MN1: variants seen among roughly 807,000 people sequenced by gnomAD.
The protein encoded by MN1 is MN1 proto-oncogene, transcriptional regulator.
In MN1, 19 loss-of-function variants were observed where a neutral mutation model predicts 86.9. The ratio of observed to expected loss-of-function variants is 0.22; its 90% CI spans 0.15 to 0.32. The LOEUF (loss-of-function observed/expected upper bound fraction) is 0.32, where lower values mean the gene tolerates loss of function less well. Ranked by LOEUF, MN1 falls within the 10% of genes least tolerant of loss-of-function variation. The pLI is 1.00. For missense variants in MN1, 1,841 were observed against 1,862.0 expected (o/e 0.99, Z 0.21); for synonymous variants, 928 against 849.6 (o/e 1.09, Z -1.60).
In MN1 at chr22:27,796,983, G is replaced by C. The variant is rs756178223; in HGVS notation, c.3561C>G (p.Val1187=). ...CGCCATTCTGCGCCCCTGAGGCCCC[G>C]ACGGCGCACTCACCCTTCTTGCCAC... ...LKGGKKGECA[V]GASGAQNGDS... Residue 1187 remains valine, a synonymous_variant, in exon 1 of 2, where the codon GTC becomes GTG. Transcript: ENST00000302326. 1.9e-5 allele frequency: 30 copies of C among 1,612,250 alleles called. No homozygotes were observed. Among genetic ancestry groups the C allele is most frequent in the South Asian group, 1.3e-4 (12 of 90,984 alleles).
intron 1 of MN1, among the ~76,000 whole-genome samples, chr22:27,795,377 C>G (rs1338729638): frequency 6.6e-6 from 1 of 152,134 alleles, no homozygotes; most frequent in African/African-American, 2.4e-5. Flanking sequence ...CTCCTCTTGC[C>G]TCCCCCAGCC....
chr22:27,800,810 T>G lies in MN1; in HGVS notation c.-267A>C, dbSNP rs972858244. The G allele has an allele frequency of 1.4e-4, 59 of 410,518 alleles. No homozygotes were observed. Among genetic ancestry groups the G allele is most frequent in the East Asian group, 2.8e-4 (6 of 21,504 alleles). The allele number at this position is 410,518 out of a possible 1,614,324, so 25.4% of individuals were successfully genotyped here. On this transcript the variant is annotated 5_prime_UTR_variant, in exon 1 of 2. It removes an upstream start codon present in the reference 5' UTR. Coordinates refer to ENST00000302326, the MANE Select transcript of MN1 (RefSeq NM_002430.3). ...TCTAGGAGCCGTGTTGGGGGGCCCATGCCCCGGGCGGTTGTCACAGCCGCG... is the reference window on the plus strand; with the variant it reads ...TCTAGGAGCCGTGTTGGGGGGCCCAGGCCCCGGGCGGTTGTCACAGCCGCG...
chr22:27,768,665 G>A (rs1234069297), intron 1 of MN1, among the ~76,000 whole-genome samples: 4 of 152,154 alleles, frequency 2.6e-5, no homozygotes, highest in Non-Finnish European at 5.9e-5. Context: ...AATTGGCCAG[G>A]CATGGTGTTG....
At position 27,801,674 on chromosome 22, in the gene MN1, G is replaced by A. The variant is rs1402593395; in HGVS notation, c.-1131C>T. Among the ~76,000 whole-genome samples, 2 of 152,162 alleles carry A rather than the reference G, an allele frequency of 1.3e-5. No individual in the cohort carries two copies. The highest frequency in any genetic ancestry group is 1.5e-5 in the Non-Finnish European group (1 of 68,018). On this transcript the variant is annotated 5_prime_UTR_variant, in exon 1 of 2. Transcript: ENST00000302326. ...TGCGCACCCCTCTCCCGACTAGCGG[G>A]GGGGCTCTGCGTGGGGCGTTCCGAG...
chr22:27,775,924 G>A (rs559032534), intron 1 of MN1, among the ~76,000 whole-genome samples: 2 of 151,356 alleles, frequency 1.3e-5, no homozygotes, highest in Non-Finnish European at 2.9e-5. Context: ...ACTCCCAGCC[G>A]CACTTGCATT....
chr22:27,798,146 T>C lies in MN1; in HGVS notation c.2398A>G (p.Ser800Gly), dbSNP rs777565577. 2 of 1,596,022 alleles carry C rather than the reference T, an allele frequency of 1.3e-6. No homozygotes were observed. The highest frequency in any genetic ancestry group is 2.2e-5 in the East Asian group (1 of 44,764). The change falls in exon 1 of 2, where the codon AGT becomes GGT. Residue 800 changes from serine to glycine, a missense_variant. By Grantham distance (56) the Ser-to-Gly change is moderately conservative. Coordinates refer to ENST00000302326, the MANE Select transcript of MN1 (RefSeq NM_002430.3). ...CCCAGCGAGAGCGCGCCCAATTTAC[T>C]GGCCGAGGTGCGCTGGCTGGGCTGG... ...DFQPSQRTSA[S>G]KLGALSLGSF...
intron 1 of MN1, among the ~76,000 whole-genome samples, chr22:27,752,518 T>C (rs989832148): frequency 2.0e-5 from 3 of 152,210 alleles, no homozygotes; most frequent in Non-Finnish European, 4.4e-5. Context: ...CACAGGGATG[T>C]CTGTGTTAGA....
At chr22:27,784,022 C>T (rs1933088891) in intron 1 of MN1, among the ~76,000 whole-genome samples, 1 of 152,228 alleles carries the variant, frequency 6.6e-6, no homozygotes. Flanking sequence ...AATTTCCATT[C>T]CTCCCAAAAT....
intron 1 of MN1, among the ~76,000 whole-genome samples, chr22:27,793,739 C>A (rs1391663653): frequency 6.6e-6 from 1 of 152,176 alleles, no homozygotes; most frequent in Non-Finnish European, 1.5e-5. Context: ...TCCCTCCCCT[C>A]CAAAGGACAT....
intron 1 of MN1, among the ~76,000 whole-genome samples, chr22:27,773,538 G>A (rs1932939171): frequency 1.3e-5 from 2 of 152,208 alleles, no homozygotes; most frequent in African/African-American, 4.8e-5. Flanking sequence ...GCCTCCCTAT[G>A]CCCATTTCAT....
At position 27,796,814 on chromosome 22, in the gene MN1, T is replaced by A. The variant is rs1364185392; in HGVS notation, c.3730A>T (p.Thr1244Ser). 1.9e-6 allele frequency: 3 copies of A among 1,610,376 alleles called. No individual in the cohort carries two copies. The highest frequency in any genetic ancestry group is 2.5e-6 in the Non-Finnish European group (3 of 1,179,620). Residue 1244 changes from threonine (T) to serine (S), a missense_variant, in exon 1 of 2, where the codon ACG becomes TCG. By Grantham distance (58) the Thr-to-Ser change is moderately conservative. Transcript: ENST00000302326. ...ALVDSADDDK[T>S]LAPWEKAKPQ... ...TTGGCCTTCTCCCAGGGCGCCAACG[T>A]CTTGTCGTCGTCCGCGCTGTCCACC...
At chr22:27,770,132 A>C (rs1396290389) in intron 1 of MN1, among the ~76,000 whole-genome samples, 1 of 152,202 alleles carries the variant, frequency 6.6e-6, no homozygotes, top group Non-Finnish European at 1.5e-5. Context: ...AACACAGTCC[A>C]AGCTTCATCT....
chr22:27,764,318 C>A (rs977792119), intron 1 of MN1, among the ~76,000 whole-genome samples: 4 of 152,224 alleles, frequency 2.6e-5, no homozygotes, highest in African/African-American at 9.6e-5. Flanking sequence ...GTCCCACTCC[C>A]ATGGGAACGG....
intron 1 of MN1, among the ~76,000 whole-genome samples, chr22:27,760,709 C>T (rs1252878769): frequency 6.6e-6 from 1 of 152,224 alleles, no homozygotes; most frequent in Non-Finnish European, 1.5e-5. Flanking sequence ...GAGCCCGAGG[C>T]AGGCCCAGGG....
At chr22:27,776,133 C>T (rs896564337) in intron 1 of MN1, among the ~76,000 whole-genome samples, 2 of 152,136 alleles carry the variant, frequency 1.3e-5, no homozygotes, top group Admixed American at 6.5e-5. Flanking sequence ...ACAAGTCCTC[C>T]GGAATCACCG....
rs751011817 is a variant in MN1 at position 27,750,872 on chromosome 22, G to C, written c.*43C>G. 5.3e-6 allele frequency: 8 copies of C among 1,505,360 alleles called. No homozygotes were observed. Among genetic ancestry groups the C allele is most frequent in the South Asian group, 1.3e-5 (1 of 78,368 alleles). 93.3% of individuals were successfully genotyped at this position (1,505,360 alleles called of 1,614,324 possible). On this transcript the variant is annotated 3_prime_UTR_variant, in exon 2 of 2. Transcript: ENST00000302326. ...GTTGAGGGGGAAGGAAACAGACAGG[G>C]GGAGAGGAAGGGCCTGGTAGAGGAG...
At chr22:27,793,104 G>A (rs1933237066) in intron 1 of MN1, among the ~76,000 whole-genome samples, 1 of 152,174 alleles carries the variant, frequency 6.6e-6, no homozygotes, top group Non-Finnish European at 1.5e-5. Context: ...CCATTTCAAT[G>A]TATGTGAAAG....
chr22:27,779,647 A>G (rs1933025122), intron 1 of MN1, among the ~76,000 whole-genome samples: 1 of 152,262 alleles, frequency 6.6e-6, no homozygotes, highest in African/African-American at 2.4e-5. Flanking sequence ...CATCTGTAAA[A>G]TGGGGCTTGG....
At chr22:27,779,378 G>A (rs1249413780) in intron 1 of MN1, among the ~76,000 whole-genome samples, 1 of 152,204 alleles carries the variant, frequency 6.6e-6, no homozygotes, top group African/African-American at 2.4e-5. Flanking sequence ...CGGCCCCCAG[G>A]CTAGGGGTTC....
Sources: allele counts gnomAD v4.1 joint callset (sites outside exome capture counted in the v4.1 genomes callset), GRCh38; gene constraint gnomAD v4.1.1; transcripts MANE v1.5; gene names NCBI Gene and HGNC (gene_info 2026-07-23, HGNC 2026-07-21).